MTUS1: variants seen among roughly 807,000 people sequenced by gnomAD.
MTUS1 encodes the protein microtubule associated scaffold protein 1.
A neutral mutation model predicts 120.8 loss-of-function variants in MTUS1; 109 were observed. That is an observed-to-expected ratio of 0.90 (90% CI 0.77 to 1.06). The LOEUF is 1.06. Ranked by LOEUF, MTUS1 falls within the 50% of genes least tolerant of loss-of-function variation. The probability of loss-of-function intolerance (pLI) is 0.00; values close to 1 mark genes in which losing one functional copy is unlikely to be tolerated. For synonymous variants in MTUS1, 737 were observed against 550.5 expected (o/e 1.34, Z -4.74); for missense variants, 2,210 against 1,486.3 (o/e 1.49, Z -8.01).
At chr8:17,757,790 G>A (rs546570803) in intron 1 of MTUS1, among the ~76,000 whole-genome samples, 1 of 152,102 alleles carries the variant, frequency 6.6e-6, no homozygotes, top group Non-Finnish European at 1.5e-5. Context: ...GCCTCCCAAA[G>A]CACTGGGATT....
At chr8:17,736,520 GC>G (rs1291884727) in intron 3 of MTUS1, among the ~76,000 whole-genome samples, 3 of 152,086 alleles carry the variant, frequency 2.0e-5, no homozygotes, top group African/African-American at 7.2e-5. Context: ...TCTCAGTGAG[GC>G]CTTTCTTGAC....
chr8:17,648,553 G>A (rs950841338), intron 13 of MTUS1, among the ~76,000 whole-genome samples: 1 of 152,168 alleles, frequency 6.6e-6, no homozygotes, highest in South Asian at 2.1e-4. Context: ...GCAGGAACTG[G>A]TATGTATACT....
At chr8:17,763,307 T>G (rs760625366) in intron 1 of MTUS1, among the ~76,000 whole-genome samples, 1 of 152,200 alleles carries the variant, frequency 6.6e-6, no homozygotes, top group Admixed American at 6.5e-5. Flanking sequence ...TTTCTTAAAG[T>G]AGATACAGAC....
rs1184742731 is a variant in MTUS1 at position 17,754,842 on chromosome 8, T to G, written c.966A>C (p.Pro322=). The G allele has an allele frequency of 1.2e-6, 2 of 1,614,130 alleles. No homozygotes were observed. The highest frequency in any genetic ancestry group is 2.7e-5 in the African/African-American group (2 of 74,946). Reference sequence around the variant, plus strand: ...TGTGCCTGTATGAGCTCTGTGAATGTGGTTCGCTATTGGATTCATCATGGG... The same window carrying G: ...TGTGCCTGTATGAGCTCTGTGAATGGGGTTCGCTATTGGATTCATCATGGG... The part of the protein sequence containing the change: ...CLSHDESNSE[P]HSQSSYRHKE... Residue 322 remains proline (P), a synonymous_variant, in exon 2 of 15, where the codon CCA becomes CCC. Coordinates refer to ENST00000693296, the MANE Select transcript of MTUS1 (RefSeq NM_001363059.2).
intron 2 of MTUS1, among the ~76,000 whole-genome samples, chr8:17,749,142 C>T (rs1008306753): frequency 6.6e-6 from 1 of 152,146 alleles, no homozygotes; most frequent in Non-Finnish European, 1.5e-5. Flanking sequence ...GGTTGGAATT[C>T]AGGCACAGCT....
intron 6 of MTUS1, among the ~76,000 whole-genome samples, chr8:17,707,409 G>C (rs959130619): frequency 2.0e-5 from 3 of 152,094 alleles, no homozygotes; most frequent in African/African-American, 7.2e-5. Flanking sequence ...TTAGTCTTAA[G>C]TCATGATAAT....
At chr8:17,711,980 T>C (rs997382131) in intron 6 of MTUS1, among the ~76,000 whole-genome samples, 5 of 152,192 alleles carry the variant, frequency 3.3e-5, no homozygotes, top group African/African-American at 9.6e-5. Context: ...TAGATGAGCA[T>C]GGTCCATGGT....
intron 5 of MTUS1, among the ~76,000 whole-genome samples, 156 bp downstream of exon 5, chr8:17,715,611 T>A (rs546386285): frequency 6.6e-6 from 1 of 152,310 alleles, no homozygotes; most frequent in East Asian, 1.9e-4. Context: ...AGAAAAACAA[T>A]TTCCTCAGTG....
Position 17,755,451 on chromosome 8 carries a change from G to A in MTUS1, c.357C>T (p.His119=), listed in dbSNP as rs1586192506. ...VGTEKPKYLQ[H]SCHSLEAVEG... ...CAACTGCTTCTAGGGAATGACAACT[G>A]TGTTGCAGATATTTGGGCTTCTCAG... The change falls in exon 2 of 15, where the codon CAC becomes CAT. Residue 119 remains histidine (H), a synonymous_variant. Coordinates refer to ENST00000693296, the MANE Select transcript of MTUS1 (RefSeq NM_001363059.2). The A allele has an allele frequency of 1.9e-6, 3 of 1,614,220 alleles. No individual in the cohort carries two copies. The East Asian group carries it at 6.7e-5, about 36-fold the overall frequency.
intron 3 of MTUS1, among the ~76,000 whole-genome samples, chr8:17,741,651 C>T (rs760904253): frequency 6.6e-6 from 1 of 152,170 alleles, no homozygotes; most frequent in Non-Finnish European, 1.5e-5. Flanking sequence ...TGGGACTGAT[C>T]GCCTACATAA....
At chr8:17,720,162 T>C (rs1478535948) in intron 4 of MTUS1, among the ~76,000 whole-genome samples, 1 of 152,044 alleles carries the variant, frequency 6.6e-6, no homozygotes, top group Non-Finnish European at 1.5e-5. Context: ...CTGGCCAACA[T>C]GGTGAAACCC....
At chr8:17,658,164 A>C (rs933739972) in intron 8 of MTUS1, among the ~76,000 whole-genome samples, 8 of 151,928 alleles carry the variant, frequency 5.3e-5, no homozygotes, top group African/African-American at 1.9e-4. Context: ...CAGCCTCCTC[A>C]GTAGCTGGGA....
intron 3 of MTUS1, among the ~76,000 whole-genome samples, chr8:17,737,288 A>G (rs1042460351): frequency 1.3e-5 from 2 of 152,194 alleles, no homozygotes; most frequent in East Asian, 1.9e-4. Context: ...TTATCACAGT[A>G]TCCCTACTAG....
intron 3 of MTUS1, among the ~76,000 whole-genome samples, chr8:17,738,890 G>A (rs1400216846): frequency 6.6e-6 from 1 of 152,010 alleles, no homozygotes; most frequent in Non-Finnish European, 1.5e-5. Flanking sequence ...TGTCATCTCG[G>A]TACTGTGGGA....
intron 1 of MTUS1, among the ~76,000 whole-genome samples, chr8:17,796,012 C>G (rs1026117054): frequency 1.3e-5 from 2 of 151,760 alleles, no homozygotes; most frequent in African/African-American, 4.8e-5. Flanking sequence ...GGCAGTGGAG[C>G]GATCTCAGCT....
At chr8:17,745,648 C>T (rs902636569) in intron 2 of MTUS1, among the ~76,000 whole-genome samples, 1 of 152,230 alleles carries the variant, frequency 6.6e-6, no homozygotes, top group African/African-American at 2.4e-5. Context: ...ACCAGTGTCA[C>T]AAGTTAAATT....
intron 1 of MTUS1, among the ~76,000 whole-genome samples, chr8:17,762,091 C>A (rs946590811): frequency 1.3e-5 from 2 of 152,062 alleles, no homozygotes; most frequent in Non-Finnish European, 2.9e-5. Context: ...ACCAGCCTAG[C>A]CAACATGGTG....
intron 3 of MTUS1, among the ~76,000 whole-genome samples, chr8:17,740,150 G>A (rs1454435096): frequency 6.6e-6 from 1 of 151,990 alleles, no homozygotes; most frequent in Non-Finnish European, 1.5e-5. Flanking sequence ...GGAGGTTGCA[G>A]TGATCCGAGA....
chr8:17,774,694 G>C (rs984821380), intron 1 of MTUS1, among the ~76,000 whole-genome samples: 4 of 152,220 alleles, frequency 2.6e-5, no homozygotes, highest in Admixed American at 1.3e-4. Context: ...TCCTCCAAGA[G>C]ATAAACATAG....
Sources: allele counts gnomAD v4.1 joint callset (sites outside exome capture counted in the v4.1 genomes callset), GRCh38; gene constraint gnomAD v4.1.1; transcripts MANE v1.5; gene names NCBI Gene and HGNC (gene_info 2026-07-23, HGNC 2026-07-21).